The following TRAK2 variants were observed in gnomAD, a reference collection of about 807,000 sequenced individuals.
TRAK2 encodes trafficking kinesin protein 2, also known as trafficking kinesin-binding protein 2.
A neutral mutation model predicts 104.6 loss-of-function variants in TRAK2; 81 were observed. That is an observed-to-expected ratio of 0.77 (90% CI 0.65 to 0.93). The LOEUF (loss-of-function observed/expected upper bound fraction) is 0.93, where lower values mean the gene tolerates loss of function less well. TRAK2 is among the 40% of genes least tolerant of loss of function. TRAK2 has a pLI of 0.00. For synonymous variants in TRAK2, 406 were observed against 394.4 expected, an observed-to-expected ratio of 1.03 and a Z score of -0.35; for missense variants, 1,002 against 1,089.0, an observed-to-expected ratio of 0.92 and a Z score of 1.12.
At chr2:201,403,040 C>A in intron 3 of TRAK2, among the ~76,000 whole-genome samples, 1 of 149,568 alleles carries the variant, frequency 6.7e-6, no homozygotes, top group African/African-American at 2.5e-5. Context: ...GATGAAGTGG[C>A]AGATTTAACT....
intron 1 of TRAK2, among the ~76,000 whole-genome samples, chr2:201,426,879 G>T (rs905737556): frequency 1.3e-5 from 2 of 152,168 alleles, no homozygotes; most frequent in South Asian, 2.1e-4. Context: ...GATCAGTTTG[G>T]AGTAGTGGTA....
At chr2:201,396,983 G>A (rs1343297140) in intron 7 of TRAK2, among the ~76,000 whole-genome samples, 1 of 152,190 alleles carries the variant, frequency 6.6e-6, no homozygotes, top group East Asian at 1.9e-4. Flanking sequence ...TGTATTTATG[G>A]AGAAATTAAA....
chr2:201,379,992 C>T lies in TRAK2; in HGVS notation c.*551G>A, dbSNP rs946076613. 5 of 153,220 alleles carry T rather than the reference C, an allele frequency of 3.3e-5. No homozygotes were observed. The highest frequency in any genetic ancestry group is 1.2e-4 in the African/African-American group (5 of 41,426). The allele number at this position is 153,220 out of a possible 1,614,324, so 9.5% of individuals were successfully genotyped here. On this transcript the variant is annotated 3_prime_UTR_variant, in exon 16 of 16. Coordinates refer to ENST00000332624, the MANE Select transcript of TRAK2 (RefSeq NM_015049.3). ...GAAAAAGATGAAACTCCTAATTTTG[C>T]TAATGCTGCGAGCATACCATTTGAT...
chr2:201,415,670 T>C (rs1951685133), intron 2 of TRAK2, among the ~76,000 whole-genome samples: 2 of 151,744 alleles, frequency 1.3e-5, no homozygotes, highest in African/African-American at 2.4e-5. Flanking sequence ...ATAGAAATTA[T>C]CTAAAATGAA....
At chr2:201,392,565 G>A (rs1951457760) in intron 10 of TRAK2, among the ~76,000 whole-genome samples, 1 of 152,154 alleles carries the variant, frequency 6.6e-6, no homozygotes, top group Non-Finnish European at 1.5e-5. Context: ...AGAGGTTTTA[G>A]ATATTCAAAG....
chr2:201,421,187 G>A (rs913447649), intron 1 of TRAK2, among the ~76,000 whole-genome samples: 10 of 152,140 alleles, frequency 6.6e-5, no homozygotes, highest in African/African-American at 1.9e-4. Flanking sequence ...AACATATGTA[G>A]AAGTAGAATG....
chr2:201,395,272 G>A (rs780539862), intron 8 of TRAK2, 42 bp downstream of exon 8: 2 of 1,533,098 alleles, frequency 1.3e-6, no homozygotes, highest in Non-Finnish European at 1.8e-6. Context: ...GATACTATGT[G>A]AGTGCTTAAC....
At chr2:201,398,064 C>A in intron 6 of TRAK2, 81 bp downstream of exon 6, 5 of 1,294,634 alleles carry the variant, frequency 3.9e-6, no homozygotes, top group Non-Finnish European at 4.4e-6. Context: ...CTTACTTATG[C>A]CATATTTCAC....
At chr2:201,413,183 GC>G in intron 2 of TRAK2, 1 of 1,515,344 alleles carries the variant, frequency 6.6e-7, no homozygotes, top group Non-Finnish European at 9.2e-7. Context: ...CTAGCCCACT[GC>G]CACCACTGGC....
At chr2:201,421,151 C>T (rs1337145029) in intron 1 of TRAK2, among the ~76,000 whole-genome samples, 1 of 152,030 alleles carries the variant, frequency 6.6e-6, no homozygotes, top group Non-Finnish European at 1.5e-5. Flanking sequence ...TAAAGTAATA[C>T]ACTAATAATA....
chr2:201,398,220 T>C lies in TRAK2; in HGVS notation c.615A>G (p.Gln205=). The change falls in exon 6 of 16, where the codon CAA becomes CAG. Residue 205 remains glutamine, a synonymous_variant. Transcript: ENST00000332624. ...GCAGCATTTCCAACTGCAGCAACCC[T>C]TGAGATAAGCTAAAGGACTCATTGA... ...LRFNESFSLS[Q]GLLQLEMLQE... The C allele has an allele frequency of 6.2e-7, 1 of 1,613,764 alleles. No homozygotes were observed. The highest frequency in any genetic ancestry group is 8.5e-7 in the Non-Finnish European group (1 of 1,179,740).
chr2:201,388,020 C>T lies in TRAK2; in HGVS notation c.1398-19G>A, dbSNP rs752635867. ...GGAGCTCCTATAGGAAAATCGCGTT[C>T]ACTGATTAGATCTTGAGGATCATCA... On this transcript the variant is annotated intron_variant, in intron 12 of 15. Transcript: ENST00000332624. The T allele has an allele frequency of 6.2e-7, 1 of 1,613,394 alleles. No homozygotes were observed. Among genetic ancestry groups the T allele is most frequent in the Non-Finnish European group, 8.5e-7 (1 of 1,179,526 alleles).
intron 3 of TRAK2, among the ~76,000 whole-genome samples, chr2:201,404,386 C>T (rs968339554): frequency 1.6e-4 from 25 of 152,224 alleles, no homozygotes; most frequent in African/African-American, 6.0e-4. Context: ...ATCAGGGAGA[C>T]GATAGATATT....
At position 201,381,178 on chromosome 2, in the gene TRAK2, T is replaced by C; in HGVS notation, c.2110A>G (p.Ser704Gly). ...GAATTCACAGCCGTGTTGGATGAACTGCTACCGCTACTTCCACAGGATAAT... is the reference window on the plus strand; with the variant it reads ...GAATTCACAGCCGTGTTGGATGAACCGCTACCGCTACTTCCACAGGATAAT... ...PSLSCGSSGS[S>G]SSNTAVNSPA... Residue 704 changes from serine (S) to glycine (G), a missense_variant, in exon 16 of 16, where the codon AGT becomes GGT. Coordinates refer to ENST00000332624, the MANE Select transcript of TRAK2 (RefSeq NM_015049.3). The C allele has an allele frequency of 1.2e-6, 2 of 1,612,862 alleles. No individual in the cohort carries two copies. Among genetic ancestry groups the C allele is most frequent in the Non-Finnish European group, 1.7e-6 (2 of 1,179,674 alleles).
chr2:201,425,555 C>T (rs1306979460), intron 1 of TRAK2, among the ~76,000 whole-genome samples: 1 of 152,054 alleles, frequency 6.6e-6, no homozygotes, highest in East Asian at 1.9e-4. Flanking sequence ...CTCCTGCCAC[C>T]ACGCCTGGCT....
At chr2:201,384,476 T>TA (rs1454228016) in intron 14 of TRAK2, among the ~76,000 whole-genome samples, 1 of 151,900 alleles carries the variant, frequency 6.6e-6, no homozygotes, top group African/African-American at 2.4e-5. Flanking sequence ...AAAAATACAT[T>TA]AAAAAAATCA....
chr2:201,384,256 T>A (rs7579853), intron 14 of TRAK2, 40 bp from the exon 15 acceptor site: 893,251 of 1,377,952 alleles, frequency 0.65, 294,894 homozygotes, highest in South Asian at 0.7. Flanking sequence ...AGATTGAAAG[T>A]CTAGATTAAT....
At chr2:201,431,026 T>C (rs2125658986) in intron 1 of TRAK2, among the ~76,000 whole-genome samples, 1 of 152,304 alleles carries the variant, frequency 6.6e-6, no homozygotes, top group East Asian at 1.9e-4. Context: ...GACTACCACG[T>C]TTAAGTATGG....
chr2:201,399,018 GTTTTT>G (rs1245139645), intron 5 of TRAK2, among the ~76,000 whole-genome samples: 1 of 151,920 alleles, frequency 6.6e-6, no homozygotes, highest in African/African-American at 2.4e-5. Context: ...CCTTTGTTTG[GTTTTT>G]GAATAAAGAT....
Sources: gnomAD v4.1 joint callset for allele counts (sites outside exome capture counted in the v4.1 genomes callset) on GRCh38, gnomAD v4.1.1 for gene constraint, MANE v1.5 for transcripts, NCBI Gene and HGNC (gene_info 2026-07-23, HGNC 2026-07-21) for gene names.